The following ROBO1 variants were observed in gnomAD, a reference collection of about 807,000 sequenced individuals.
The protein encoded by ROBO1 is roundabout homolog 1.
ROBO1 carries 149 observed loss-of-function variants against 195.9 expected under a neutral mutation model. The observed-to-expected ratio is 0.76, with a 90% confidence interval of 0.67 to 0.87. The LOEUF (loss-of-function observed/expected upper bound fraction) is 0.87, where lower values mean the gene tolerates loss of function less well. Ranked by LOEUF, ROBO1 falls within the 40% of genes least tolerant of loss-of-function variation. ROBO1 has a pLI of 0.00. For missense variants in ROBO1, 1,933 were observed against 2,068.3 expected, an observed-to-expected ratio of 0.93 and a Z score of 1.27; for synonymous variants, 816 against 733.2, an observed-to-expected ratio of 1.11 and a Z score of -1.82.
chr3:79,125,181 A>G (rs769890489), intron 3 of ROBO1, among the ~76,000 whole-genome samples: 16 of 152,228 alleles, frequency 1.1e-4, no homozygotes, highest in Non-Finnish European at 2.1e-4. Context: ...TAAAAATACT[A>G]GCAGTATCAA....
chr3:79,404,291 C>A (rs2037466723), intron 2 of ROBO1, among the ~76,000 whole-genome samples: 1 of 152,030 alleles, frequency 6.6e-6, no homozygotes, highest in African/African-American at 2.4e-5. Flanking sequence ...ATTTACTTTT[C>A]CTTCATCTGC....
intron 2 of ROBO1, among the ~76,000 whole-genome samples, chr3:79,255,683 A>G (rs936627314): frequency 2.0e-5 from 3 of 152,158 alleles, no homozygotes; most frequent in African/African-American, 7.2e-5. Context: ...CACACACATA[A>G]TATTTTGTGG....
At chr3:79,436,638 C>G (rs1559898168) in intron 2 of ROBO1, among the ~76,000 whole-genome samples, 1 of 152,004 alleles carries the variant, frequency 6.6e-6, no homozygotes, top group East Asian at 1.9e-4. Flanking sequence ...TCTCAGATTT[C>G]TTTGTGGCTA....
chr3:79,171,145 A>G (rs927176886), intron 2 of ROBO1, among the ~76,000 whole-genome samples: 2 of 149,944 alleles, frequency 1.3e-5, no homozygotes, highest in African/African-American at 4.9e-5. Flanking sequence ...AATAATATAA[A>G]TGTATAATTA....
chr3:78,637,284 G>C (rs58682182), intron 22 of ROBO1, among the ~76,000 whole-genome samples: 3 of 151,730 alleles, frequency 2.0e-5, no homozygotes, highest in Non-Finnish European at 4.4e-5. Context: ...GAACCGTCAG[G>C]GAACAGAAAT....
In ROBO1 at chr3:78,661,138, T is replaced by G. The variant is rs772499587; in HGVS notation, c.2212A>C (p.Ile738Leu). ...TTGACTCCCTTTCTGAGATCAGGGA[T>G]TACCACACTGTTTTTGGCTGGCGTC... ...VRTPAKNSVV[I>L]PDLRKGVNYE... Residue 738 changes from isoleucine (I) to leucine (L), a missense_variant, in exon 16 of 31, where the codon ATC becomes CTC. By Grantham distance (5) the Ile-to-Leu change is conservative. Coordinates refer to ENST00000464233, the MANE Select transcript of ROBO1 (RefSeq NM_002941.4). 1 of 1,613,800 alleles carries G rather than the reference T, an allele frequency of 6.2e-7. No homozygotes were observed. Among genetic ancestry groups the G allele is most frequent in the East Asian group, 2.2e-5 (1 of 44,868 alleles).
At chr3:79,045,524 A>G (rs930807551) in intron 3 of ROBO1, among the ~76,000 whole-genome samples, 1 of 152,106 alleles carries the variant, frequency 6.6e-6, no homozygotes, top group African/African-American at 2.4e-5. Context: ...GAGATGATAG[A>G]GATATGAAAT....
intron 2 of ROBO1, among the ~76,000 whole-genome samples, chr3:79,355,017 T>G (rs925884861): frequency 3.3e-5 from 5 of 151,972 alleles, no homozygotes; most frequent in Admixed American, 2.0e-4. Context: ...GATACAAAAA[T>G]TAGCTGGGCA....
At chr3:78,944,648 A>C (rs929052530) in intron 3 of ROBO1, among the ~76,000 whole-genome samples, 43 of 152,228 alleles carry the variant, frequency 2.8e-4, no homozygotes, top group Admixed American at 1.3e-4. Context: ...CTCACTGGGG[A>C]GTGCCAGACA....
In ROBO1 at chr3:79,557,019, TG is replaced by T. The variant is rs201893251; in HGVS notation, c.88+32804del. On this transcript the variant is annotated intron_variant, in intron 2 of 30. Transcript: ENST00000464233. ...TTATACTCTGAATTCCTTTTTTTGT[TG>T]TTTTTTTTTTTTATTTTTGTGGCAG... Among the ~76,000 whole-genome samples, 681 of 142,600 alleles carry T rather than the reference TG, an allele frequency of 4.8e-3. 7 individuals are homozygous for T. The highest frequency in any genetic ancestry group is 0.018 in the African/African-American group (649 of 35,594). The allele number at this position is 142,600 out of a possible 152,430, so 93.6% of individuals were successfully genotyped here. A position where few individuals can be genotyped will look rare whatever the true frequency, so the allele number is the denominator to read the frequency against.
intron 4 of ROBO1, among the ~76,000 whole-genome samples, chr3:78,750,454 AAAAT>A (rs60201979): frequency 0.29 from 39,862 of 135,750 alleles, 6,196 homozygotes; most frequent in Admixed American, 0.35. Flanking sequence ...CTCCATCTCA[AAAAT>A]AAATAAATAA....
At chr3:79,178,618 C>A (rs1213960994) in intron 2 of ROBO1, among the ~76,000 whole-genome samples, 2 of 152,064 alleles carry the variant, frequency 1.3e-5, no homozygotes, top group African/African-American at 2.4e-5. Flanking sequence ...AACAGAAAGG[C>A]ACGGAGCAGA....
At chr3:79,572,909 A>C (rs910072993) in intron 2 of ROBO1, among the ~76,000 whole-genome samples, 6 of 152,100 alleles carry the variant, frequency 3.9e-5, no homozygotes, top group Non-Finnish European at 8.8e-5. Context: ...ACGCAATATA[A>C]GATTAGAAAA....
chr3:79,757,523 G>A (rs1704473100), intron 1 of ROBO1, among the ~76,000 whole-genome samples: 1 of 127,568 alleles, frequency 7.8e-6, no homozygotes, highest in African/African-American at 3.3e-5. Flanking sequence ...ATATATATAT[G>A]CCATCCTAGG....
chr3:79,688,278 T>A (rs1947192599), intron 1 of ROBO1, among the ~76,000 whole-genome samples: 1 of 149,902 alleles, frequency 6.7e-6, no homozygotes, highest in Non-Finnish European at 1.5e-5. Flanking sequence ...AAATGACGAG[T>A]TAATGGGTGC....
intron 3 of ROBO1, among the ~76,000 whole-genome samples, chr3:79,111,680 A>T (rs574459151): frequency 3.4e-4 from 52 of 152,162 alleles, no homozygotes; most frequent in Admixed American, 3.9e-4. Flanking sequence ...TATCTACAGG[A>T]TATTATTCTA....
intron 3 of ROBO1, among the ~76,000 whole-genome samples, chr3:79,101,841 AG>A (rs2079681857): frequency 6.6e-6 from 1 of 151,924 alleles, no homozygotes; most frequent in Non-Finnish European, 1.5e-5. Flanking sequence ...GAGCACAGAT[AG>A]TTGTGATGGG....
intron 1 of ROBO1, among the ~76,000 whole-genome samples, chr3:79,696,450 T>C (rs988827476): frequency 7.2e-6 from 1 of 139,354 alleles, no homozygotes; most frequent in African/African-American, 2.5e-5. Context: ...AAATAATATA[T>C]CTAAATAATA....
At chr3:78,715,358 A>AAT (rs1326140631) in intron 7 of ROBO1, 1 of 152,010 alleles carries the variant, frequency 6.6e-6, no homozygotes, top group Non-Finnish European at 1.5e-5. Flanking sequence ...CAAGTCATCC[A>AAT]ATTTGTCATT....
Sources: gnomAD v4.1 joint callset for allele counts (sites outside exome capture counted in the v4.1 genomes callset) on GRCh38, gnomAD v4.1.1 for gene constraint, MANE v1.5 for transcripts, NCBI Gene and HGNC (gene_info 2026-07-23, HGNC 2026-07-21) for gene names.